SMCO4: variants seen among roughly 807,000 people sequenced by gnomAD.
SMCO4 encodes the protein single-pass membrane protein with coiled-coil domains 4, also known as single-pass membrane and coiled-coil domain-containing protein 4.
SMCO4 carries 4 observed loss-of-function variants against 3.6 expected under a neutral mutation model. The observed-to-expected ratio is 1.11, with a 90% CI of 0.54 to 2.53. The LOEUF is 2.53. Among genes scored for constraint, SMCO4 ranks in the 30% most tolerant of loss-of-function variants. The probability of loss-of-function intolerance (pLI) is 0.02; values close to 1 mark genes in which losing one functional copy is unlikely to be tolerated. For synonymous variants in SMCO4, 36 were observed against 35.3 expected (o/e 1.02, Z -0.07); for missense variants, 70 against 80.8 (o/e 0.87, Z 0.51).
intron 1 of SMCO4, among the ~76,000 whole-genome samples, chr11:93,516,880 T>C (rs755745599): frequency 1.1e-4 from 17 of 152,106 alleles, no homozygotes; most frequent in Non-Finnish European, 1.9e-4. Flanking sequence ...ATCTCTACAA[T>C]TGTGTGCTAA....
chr11:93,482,695 C>T (rs1398407386), intron 2 of SMCO4, among the ~76,000 whole-genome samples: 3 of 152,200 alleles, frequency 2.0e-5, no homozygotes, highest in Admixed American at 2.0e-4. Context: ...AGCGAACGCA[C>T]TGCTTCCTTC....
At chr11:93,526,579 T>C (rs77689795) in intron 1 of SMCO4, among the ~76,000 whole-genome samples, 2,170 of 152,180 alleles carry the variant, frequency 0.014, 48 homozygotes, top group African/African-American at 0.049. Context: ...AAAACAAAAA[T>C]GAAATAAAGC....
intron 1 of SMCO4, among the ~76,000 whole-genome samples, chr11:93,540,695 C>T (rs556629816): frequency 7.2e-5 from 11 of 152,252 alleles, no homozygotes; most frequent in African/African-American, 2.6e-4. Flanking sequence ...TAAAATGATG[C>T]TCACTCCTAC....
chr11:93,490,380 G>A (rs1948700542), intron 2 of SMCO4, among the ~76,000 whole-genome samples: 1 of 152,048 alleles, frequency 6.6e-6, no homozygotes, highest in Non-Finnish European at 1.5e-5. Context: ...CCTGTAAGAG[G>A]GTCCAAAACA....
intron 1 of SMCO4, among the ~76,000 whole-genome samples, chr11:93,505,366 C>A (rs952919429): frequency 8.5e-5 from 13 of 152,210 alleles, no homozygotes. Context: ...ATAATTAACA[C>A]TTTCCCCAAC....
chr11:93,481,531 G>T (rs1295162006), intron 2 of SMCO4: 1 of 985,180 alleles, frequency 1.0e-6, no homozygotes, highest in Non-Finnish European at 1.2e-6. Context: ...CCAACACCTG[G>T]AACACACCCC....
At chr11:93,481,623 T>G in intron 2 of SMCO4, 1 of 637,758 alleles carries the variant, frequency 1.6e-6, no homozygotes, top group Non-Finnish European at 2.0e-6. Context: ...GGGAAAAATG[T>G]CTTGCCAACA....
intron 1 of SMCO4, among the ~76,000 whole-genome samples, chr11:93,534,285 T>C (rs1476046778): frequency 3.4e-5 from 5 of 145,574 alleles, no homozygotes; most frequent in East Asian, 2.0e-4. Flanking sequence ...TATACATATA[T>C]ACACACACAC....
At chr11:93,514,657 C>T (rs1948993223) in intron 1 of SMCO4, among the ~76,000 whole-genome samples, 1 of 152,030 alleles carries the variant, frequency 6.6e-6, no homozygotes, top group South Asian at 2.1e-4. Context: ...CACTGCTACC[C>T]CTTGCACAGA....
chr11:93,531,969 T>C (rs1270683979), intron 1 of SMCO4, among the ~76,000 whole-genome samples: 1 of 152,234 alleles, frequency 6.6e-6, no homozygotes, highest in East Asian at 1.9e-4. Flanking sequence ...TTGTCCCACC[T>C]TTCTGGACCA....
At chr11:93,509,430 T>A (rs1344942632) in intron 1 of SMCO4, among the ~76,000 whole-genome samples, 1 of 152,058 alleles carries the variant, frequency 6.6e-6, no homozygotes, top group Non-Finnish European at 1.5e-5. Context: ...GAACTAAAAG[T>A]AGGACCACCA....
chr11:93,542,884 C>G (rs1949282384), intron 1 of SMCO4, among the ~76,000 whole-genome samples: 1 of 152,236 alleles, frequency 6.6e-6, no homozygotes, highest in Admixed American at 6.5e-5. Flanking sequence ...GGGGCCCTCC[C>G]GGCCGCCCCG....
intron 1 of SMCO4, among the ~76,000 whole-genome samples, chr11:93,507,831 A>G (rs1461297520): frequency 6.6e-6 from 1 of 152,242 alleles, no homozygotes; most frequent in African/African-American, 2.4e-5. Flanking sequence ...TAGTTCAACC[A>G]ACACAATATA....
At chr11:93,527,090 G>A (rs866257096) in intron 1 of SMCO4, among the ~76,000 whole-genome samples, 13 of 152,172 alleles carry the variant, frequency 8.5e-5, no homozygotes, top group African/African-American at 2.2e-4. Flanking sequence ...CAGCACCTGC[G>A]TCAGCCACAC....
the SMCO4 span, among the ~76,000 whole-genome samples, chr11:93,550,085 T>C: frequency 6.6e-6 from 1 of 152,208 alleles, no homozygotes. Context: ...CCCTGTTTTC[T>C]GAAATTTAAG....
chr11:93,515,000 C>A (rs1052959324), intron 1 of SMCO4, among the ~76,000 whole-genome samples: 3 of 152,166 alleles, frequency 2.0e-5, no homozygotes, highest in Non-Finnish European at 4.4e-5. Flanking sequence ...CAAATAAATG[C>A]ACCATTACTC....
At chr11:93,517,791 A>G (rs1405696052) in intron 1 of SMCO4, among the ~76,000 whole-genome samples, 3 of 152,198 alleles carry the variant, frequency 2.0e-5, no homozygotes, top group Non-Finnish European at 4.4e-5. Context: ...AGGCCAAGTG[A>G]CAAGCCAAGA....
At chr11:93,490,118 G>A (rs1948696908) in intron 2 of SMCO4, among the ~76,000 whole-genome samples, 1 of 152,222 alleles carries the variant, frequency 6.6e-6, no homozygotes, top group Non-Finnish European at 1.5e-5. Context: ...AATCCTCTAG[G>A]TGCTCACAAC....
At chr11:93,489,174 C>T (rs1156341762) in intron 2 of SMCO4, among the ~76,000 whole-genome samples, 1 of 152,142 alleles carries the variant, frequency 6.6e-6, no homozygotes, top group Admixed American at 6.5e-5. Context: ...TGCCGTTTAT[C>T]GGCCCTGCAA....
Sources: allele counts gnomAD v4.1 joint callset (sites outside exome capture counted in the v4.1 genomes callset), GRCh38; gene constraint gnomAD v4.1.1; transcripts MANE v1.5; gene names NCBI Gene and HGNC (gene_info 2026-07-23, HGNC 2026-07-21).